FN1: variants seen among roughly 807,000 people sequenced by gnomAD.
FN1 encodes fibronectin.
A neutral mutation model predicts 297.3 loss-of-function variants in FN1; 106 were observed. The ratio of observed to expected loss-of-function variants is 0.36; its 90% CI spans 0.30 to 0.42. FN1 has a LOEUF of 0.42. FN1 is among the 10% of genes least tolerant of loss of function. The probability of loss-of-function intolerance (pLI) is 1.00; values close to 1 mark genes in which losing one functional copy is unlikely to be tolerated. For missense variants in FN1, 2,690 were observed against 3,124.9 expected (o/e 0.86, Z 3.32); for synonymous variants, 1,149 against 1,152.6 (o/e 1.00, Z 0.06).
intron 13 of FN1, among the ~76,000 whole-genome samples, chr2:215,411,325 A>C (rs566361881): frequency 2.0e-5 from 3 of 152,354 alleles, no homozygotes; most frequent in African/African-American, 7.2e-5. Context: ...TTTTGTGCCC[A>C]GTGATTTTTA....
At chr2:215,424,444 G>A in intron 7 of FN1, 119 bp from the exon 8 acceptor site, 1 of 776,412 alleles carries the variant, frequency 1.3e-6, no homozygotes, top group Non-Finnish European at 2.1e-6. Context: ...GAAGCTATGA[G>A]TATAGATGAT....
chr2:215,420,617 A>C (rs1463262831), intron 11 of FN1, 56 bp downstream of exon 11: 1 of 1,608,722 alleles, frequency 6.2e-7, no homozygotes, highest in Non-Finnish European at 8.5e-7. Context: ...TTCTTATCTG[A>C]AACTTGCTAA....
chr2:215,393,345 T>C, intron 24 of FN1, 142 bp from the exon 25 acceptor site: 1 of 747,506 alleles, frequency 1.3e-6, no homozygotes, highest in Non-Finnish European at 2.1e-6. Context: ...ATGCAATCTG[T>C]TTTAAATTCT....
At chr2:215,376,127 T>TTTA (rs2057246590) in intron 36 of FN1, among the ~76,000 whole-genome samples, 1 of 152,244 alleles carries the variant, frequency 6.6e-6, no homozygotes, top group South Asian at 2.1e-4. Flanking sequence ...ATTTTGGCCT[T>TTTA]TATTAAGTGG....
chr2:215,397,256 T>C lies in FN1; in HGVS notation c.3518-33A>G, dbSNP rs750890097. 5 of 1,482,102 alleles carry C rather than the reference T, an allele frequency of 3.4e-6. No individual in the cohort carries two copies. In the South Asian group the frequency reaches 5.7e-5, roughly 17 times the overall value. The allele number at this position is 1,482,102 out of a possible 1,614,324, so 91.8% of individuals were successfully genotyped here. A position where few individuals can be genotyped will look rare whatever the true frequency, so the allele number is the denominator to read the frequency against. ...GAAAGAACATTTTAAAAGTCAAAGC[T>C]GACACAAAGCTCTTGACCTGTGTAA... On this transcript the variant is annotated intron_variant, in intron 22 of 45. Transcript: ENST00000354785.
At chr2:215,428,155 C>T (rs372324491) in intron 6 of FN1, 25 bp downstream of exon 6, 18 of 1,613,114 alleles carry the variant, frequency 1.1e-5, no homozygotes, top group Admixed American at 3.3e-5. Flanking sequence ...CCCCATTTCC[C>T]GCCCCTGCTC....
intron 13 of FN1, among the ~76,000 whole-genome samples, chr2:215,414,345 T>C (rs923893317): frequency 1.2e-4 from 18 of 152,182 alleles, no homozygotes; most frequent in Non-Finnish European, 2.5e-4. Flanking sequence ...CTCTTTTCCT[T>C]CTATCTAAAT....
intron 41 of FN1, among the ~76,000 whole-genome samples, chr2:215,368,821 T>C (rs2055218971): frequency 6.6e-6 from 1 of 152,132 alleles, no homozygotes; most frequent in South Asian, 2.1e-4. Flanking sequence ...TCTTATCTCT[T>C]TATGATTTGG....
chr2:215,434,717 T>C lies in FN1; in HGVS notation c.256A>G (p.Asn86Asp). Residue 86 changes from asparagine (N) to aspartate (D), a missense_variant, in exon 2 of 46, where the codon AAC (asparagine) becomes GAC (aspartate). Transcript: ENST00000354785. ...TTACCTTCAGGTTTACTCTCGCAGT[T>C]AAAACCTCGGCTTCCTCCATAACAA... ...CTCYGGSRGF[N>D]CESKPEAEET... 6.2e-7 allele frequency: 1 copy of C among 1,614,210 alleles called. No homozygotes were observed. The highest frequency in any genetic ancestry group is 1.1e-5 in the South Asian group (1 of 91,086).
chr2:215,392,766 A>AT, intron 25 of FN1, 165 bp downstream of exon 25: 3 of 719,334 alleles, frequency 4.2e-6, no homozygotes, highest in Middle Eastern at 7.5e-4. Context: ...TTTTTCTCCA[A>AT]TCAGTTTAGC....
intron 24 of FN1, 93 bp from the exon 25 acceptor site, chr2:215,393,296 G>T: frequency 8.0e-7 from 1 of 1,242,740 alleles, no homozygotes; most frequent in Non-Finnish European, 1.1e-6. Flanking sequence ...CAGGTTACTA[G>T]TAGTAAAATT....
chr2:215,382,297 C>G lies in FN1; in HGVS notation c.5079G>C (p.Leu1693Phe). 6.2e-7 allele frequency: 1 copy of G among 1,613,228 alleles called. No homozygotes were observed. Among genetic ancestry groups the G allele is most frequent in the Non-Finnish European group, 8.5e-7 (1 of 1,179,174 alleles). The stretch of plus-strand genomic sequence containing the variant: ...TAACCACATACTCCACTGTGGGCTG[C>G]AAGCCTTCAATAGTCATTTCTGTTT... ...PDQTEMTIEG[L>F]QPTVEYVVSV... The change falls in exon 32 of 46, where the codon TTG becomes TTC. Residue 1693 changes from leucine to phenylalanine, a missense_variant. Leu to Phe is a conservative substitution (Grantham distance 22). Transcript: ENST00000354785.
chr2:215,365,523 C>G lies in FN1; in HGVS notation c.7126G>C (p.Glu2376Gln), dbSNP rs2054357637. The G allele has an allele frequency of 6.2e-7, 1 of 1,614,102 alleles. No individual in the cohort carries two copies. Among genetic ancestry groups the G allele is most frequent in the Non-Finnish European group, 8.5e-7 (1 of 1,179,974 alleles). ...SCTCLGNGKG[E>Q]FKCDPHEATC... ...GACATACGAGGGTCACACTTGAATT[C>G]TCCTTTTCCGTTCCCAAGACATGTG... The change falls in exon 43 of 46, where the codon GAA becomes CAA. Residue 2376 changes from glutamate to glutamine, a missense_variant. Glu to Gln is a conservative substitution (Grantham distance 29). Around this residue, in one of 3 missense-constraint regions of FN1, gnomAD observed 1,743 missense variants for 1,945.2 expected, o/e 0.90. Coordinates refer to ENST00000354785, the MANE Select transcript of FN1 (RefSeq NM_212482.4).
Position 215,404,609 on chromosome 2 carries a change from A to C in FN1, c.3033T>G (p.Ser1011=), listed in dbSNP as rs778210674. ...GTGGAGTCCATCTCACCAGGACAGT[A>C]GAATCAGTTTCATTGACAAACTGGA... ...TNLQFVNETD[S]TVLVRWTPPR... The change falls in exon 20 of 46, where the codon TCT becomes TCG. Residue 1011 remains serine, a synonymous_variant. Coordinates refer to ENST00000354785, the MANE Select transcript of FN1 (RefSeq NM_212482.4). The C allele has an allele frequency of 1.9e-6, 3 of 1,613,956 alleles. No individual in the cohort carries two copies. Among genetic ancestry groups the C allele is most frequent in the Admixed American group, 3.3e-5 (2 of 60,010 alleles).
intron 13 of FN1, among the ~76,000 whole-genome samples, chr2:215,412,422 A>C (rs746859611): frequency 6.6e-6 from 1 of 152,092 alleles, no homozygotes; most frequent in Non-Finnish European, 1.5e-5. Flanking sequence ...TTAATATGAG[A>C]CTTGATGATT....
chr2:215,404,331 G>A (rs2106240957), intron 20 of FN1, 58 bp downstream of exon 20: 5 of 1,415,412 alleles, frequency 3.5e-6, no homozygotes, highest in East Asian at 4.5e-5. Context: ...TTGTTTTAAA[G>A]CATGAAGAAT....
At chr2:215,395,285 G>C (rs1428297352) in intron 23 of FN1, among the ~76,000 whole-genome samples, 1 of 152,114 alleles carries the variant, frequency 6.6e-6, no homozygotes, top group Non-Finnish European at 1.5e-5. Flanking sequence ...ATTCTAGAAA[G>C]AGTATTGATT....
intron 13 of FN1, 81 bp downstream of exon 13, chr2:215,414,756 A>G (rs1303381150): frequency 1.3e-6 from 2 of 1,593,686 alleles, no homozygotes; most frequent in Non-Finnish European, 1.7e-6. Flanking sequence ...TTGTTGGCTC[A>G]AAAGCTGGGA....
intron 12 of FN1, among the ~76,000 whole-genome samples, chr2:215,418,932 G>C (rs1014690698): frequency 6.6e-6 from 1 of 152,128 alleles, no homozygotes; most frequent in African/African-American, 2.4e-5. Flanking sequence ...CTCACTTGGT[G>C]GTTTTTATTT....
Sources: gnomAD v4.1 joint callset for allele counts (sites outside exome capture counted in the v4.1 genomes callset) on GRCh38, gnomAD v4.1.1 for gene constraint, gnomAD v4.1.1 regional missense constraint, MANE v1.5 for transcripts, NCBI Gene and HGNC (gene_info 2026-07-23, HGNC 2026-07-21) for gene names.